Variants in HELZ observed in about 807,000 individuals in gnomAD.
HELZ encodes the protein helicase with zinc finger, also known as ATP-dependent RNA helicase with zinc finger domain.
In HELZ, 23 loss-of-function variants were observed where a neutral mutation model predicts 218.2. The ratio of observed to expected loss-of-function variants is 0.11; its 90% CI spans 0.08 to 0.15. HELZ has a LOEUF of 0.15. HELZ is among the 10% of genes least tolerant of loss of function. The pLI, the probability that HELZ is intolerant of heterozygous loss-of-function variation, is 1.00. For synonymous variants in HELZ, 814 were observed against 829.4 expected (o/e 0.98, Z 0.32); for missense variants, 1,813 against 2,353.7 (o/e 0.77, Z 4.75).
At position 67,167,589 on chromosome 17, in the gene HELZ, C is replaced by T; in HGVS notation, c.1638G>A (p.Gln546=). ...AAACCTTCTCTTTGGTTCCCTGGGT[C>T]TGTACTAACTTCTGTTTAGGGACTG... ...LLPVPKQKLV[Q]TQGTKEKVYE... The change falls in exon 14 of 33, where the codon CAG becomes CAA. Residue 546 remains glutamine, a synonymous_variant. Transcript: ENST00000358691. 2 of 1,614,062 alleles carry T rather than the reference C, an allele frequency of 1.2e-6. No homozygotes were observed. The highest frequency in any genetic ancestry group is 1.7e-6 in the Non-Finnish European group (2 of 1,179,968).
At chr17:67,185,439 C>T (rs531202479) in intron 12 of HELZ, among the ~76,000 whole-genome samples, 22 of 152,018 alleles carry the variant, frequency 1.4e-4, no homozygotes, top group South Asian at 2.1e-4. Flanking sequence ...AAAGTAGTCA[C>T]GCAATAAAAA....
chr17:67,194,610 C>A (rs1280368582), intron 8 of HELZ, among the ~76,000 whole-genome samples: 1 of 152,046 alleles, frequency 6.6e-6, no homozygotes, highest in Non-Finnish European at 1.5e-5. Flanking sequence ...ACAGTATTTA[C>A]TTACTTGTGA....
intron 5 of HELZ, among the ~76,000 whole-genome samples, chr17:67,204,749 A>C (rs144929121): frequency 1.3e-5 from 2 of 152,262 alleles, no homozygotes; most frequent in South Asian, 4.1e-4. Flanking sequence ...CATCCATATT[A>C]CAGATCACTC....
chr17:67,198,839 T>C (rs1047546063), intron 7 of HELZ, among the ~76,000 whole-genome samples: 8 of 152,190 alleles, frequency 5.3e-5, no homozygotes, highest in Non-Finnish European at 1.0e-4. Context: ...CTTTTAATAA[T>C]ATCAATTCAC....
At chr17:67,206,595 G>A (rs1181843070) in intron 5 of HELZ, among the ~76,000 whole-genome samples, 45 of 145,920 alleles carry the variant, frequency 3.1e-4, no homozygotes, top group Non-Finnish European at 1.5e-4. Flanking sequence ...GACCATATTA[G>A]GACTTTTTTT....
rs751706151 is a variant in HELZ at position 67,178,908 on chromosome 17, T to C, written c.1181A>G (p.His394Arg). The change falls in exon 13 of 33, where the codon CAT becomes CGT. Residue 394 changes from histidine to arginine, a missense_variant. By Grantham distance (29) the His-to-Arg change is conservative (BLOSUM62 0). Transcript: ENST00000358691. The stretch of plus-strand genomic sequence containing the variant: ...TGTGGTTACTAGCTGCTGTTTTGCA[T>C]GCATCAGGTATTCGAGATCTAAATG... ...ASTEDLEYLM[H>R]AKQQLVTTAK... The C allele has an allele frequency of 3.7e-6, 6 of 1,607,616 alleles. No homozygotes were observed. Among genetic ancestry groups the C allele is most frequent in the Non-Finnish European group, 4.3e-6 (5 of 1,175,854 alleles).
chr17:67,232,421 G>C (rs1598472401), intron 3 of HELZ, among the ~76,000 whole-genome samples: 1 of 152,168 alleles, frequency 6.6e-6, no homozygotes, highest in African/African-American at 2.4e-5. Flanking sequence ...CAAAATGTTG[G>C]GATTACAGGC....
intron 8 of HELZ, 88 bp from the exon 9 acceptor site, chr17:67,194,130 C>A: frequency 1.2e-6 from 1 of 860,608 alleles, no homozygotes; most frequent in Non-Finnish European, 1.9e-6. Flanking sequence ...ACAATCCCTC[C>A]ACATACATCA....
intron 24 of HELZ, among the ~76,000 whole-genome samples, chr17:67,124,642 C>T (rs548323423): frequency 6.6e-6 from 1 of 152,196 alleles, no homozygotes; most frequent in South Asian, 2.1e-4. Context: ...TACGTTAACC[C>T]AGTAAGTGCA....
At chr17:67,096,103 A>C (rs1317681277) in intron 31 of HELZ, among the ~76,000 whole-genome samples, 3 of 152,172 alleles carry the variant, frequency 2.0e-5, no homozygotes, top group African/African-American at 7.2e-5. Flanking sequence ...AATGAGCAGT[A>C]ATATTTTGAA....
At position 67,124,705 on chromosome 17, in the gene HELZ, T is replaced by C. The variant is rs553791119; in HGVS notation, c.3388-691A>G. ...ATCATGCATTTGGGCACAGAGAGCA[T>C]GGTTTATGTGTGTAATAAATGTTAA... On this transcript the variant is annotated intron_variant, in intron 24 of 32. Transcript: ENST00000358691. 1.8e-3 allele frequency among the ~76,000 whole-genome samples: 280 copies of C among 152,214 alleles called. 2 individuals are homozygous for C. The highest frequency in any genetic ancestry group is 6.5e-3 in the African/African-American group (272 of 41,538).
chr17:67,114,101 T>C (rs1176310103), intron 28 of HELZ, among the ~76,000 whole-genome samples: 2 of 152,196 alleles, frequency 1.3e-5, no homozygotes, highest in Non-Finnish European at 2.9e-5. Flanking sequence ...TTCAATTTTA[T>C]CACTGAATAA....
At chr17:67,244,598 G>A (rs1308485805) in intron 1 of HELZ, 8 of 781,382 alleles carry the variant, frequency 1.0e-5, no homozygotes. Flanking sequence ...AAGGGGGGAA[G>A]AAAGTGAATC....
In HELZ at chr17:67,093,794, T is replaced by C. The variant is rs1418892254; in HGVS notation, c.5242-6713A>G. Among the ~76,000 whole-genome samples the C allele has an allele frequency of 2.0e-5, 3 of 152,212 alleles. No homozygotes were observed. The South Asian group carries it at 6.2e-4, about 32-fold the overall frequency. ...GATAACTATGACATCCTTCACTATT[T>C]ATATTATTTTTAAAACTCTAAACAA... On this transcript the variant is annotated intron_variant, in intron 31 of 32. Coordinates refer to ENST00000358691, the MANE Select transcript of HELZ (RefSeq NM_014877.4).
At chr17:67,225,286 G>T in intron 3 of HELZ, 1 of 204,258 alleles carries the variant, frequency 4.9e-6, no homozygotes, top group Admixed American at 5.5e-5. Context: ...CCCATTCACA[G>T]ATGAGGAAAC....
At chr17:67,189,788 T>C in intron 10 of HELZ, 92 bp from the exon 11 acceptor site, 1 of 838,420 alleles carries the variant, frequency 1.2e-6, no homozygotes, top group East Asian at 2.5e-5. Flanking sequence ...ACAGTTAAGA[T>C]GATGATGGAA....
At chr17:67,236,014 C>T (rs747685794) in intron 3 of HELZ, among the ~76,000 whole-genome samples, 3 of 152,182 alleles carry the variant, frequency 2.0e-5, no homozygotes, top group African/African-American at 7.2e-5. Flanking sequence ...CCCGCCTTGG[C>T]CTCCCAAAGT....
intron 2 of HELZ, among the ~76,000 whole-genome samples, chr17:67,242,284 G>A (rs1003106732): frequency 6.6e-6 from 1 of 151,976 alleles, no homozygotes; most frequent in Non-Finnish European, 1.5e-5. Context: ...GTGTGGTGGC[G>A]TAAGCCTGTA....
intron 7 of HELZ, among the ~76,000 whole-genome samples, chr17:67,196,996 T>C (rs1391948541): frequency 1.3e-5 from 2 of 152,182 alleles, no homozygotes; most frequent in African/African-American, 4.8e-5. Flanking sequence ...CTGAACCAAC[T>C]GACAGCTTGC....
Sources: gnomAD v4.1 joint callset for allele counts (sites outside exome capture counted in the v4.1 genomes callset) on GRCh38, gnomAD v4.1.1 for gene constraint, MANE v1.5 for transcripts, NCBI Gene and HGNC (gene_info 2026-07-23, HGNC 2026-07-21) for gene names.